The following NKX2-2 variants were observed in gnomAD, a reference collection of about 807,000 sequenced individuals.
NKX2-2 encodes NK2 homeobox 2, also known as homeobox protein Nkx-2.2.
Under a neutral mutation model 24.6 loss-of-function variants are expected in NKX2-2, and 8 were observed. The observed-to-expected ratio is 0.32, with a 90% CI of 0.19 to 0.59. The LOEUF (loss-of-function observed/expected upper bound fraction) is 0.59, where lower values mean the gene tolerates loss of function less well. Among genes scored for constraint, NKX2-2 ranks in the 20% least tolerant of loss-of-function variants. NKX2-2 has a pLI of 0.86. For missense variants in NKX2-2, 381 were observed against 373.9 expected (o/e 1.02, Z -0.16); for synonymous variants, 217 against 173.3 (o/e 1.25, Z -1.98).
the NKX2-2 span, among the ~76,000 whole-genome samples, chr20:21,522,178 G>T: frequency 2.0e-5 from 3 of 152,248 alleles, no homozygotes; most frequent in Admixed American, 6.5e-5. Flanking sequence ...GATCCGCAAA[G>T]TCGGGGAGAA....
rs1426023605 is a variant in NKX2-2 at position 21,512,457 on chromosome 20, A to G, written c.288T>C (p.Pro96=). 2 of 1,580,850 alleles carry G rather than the reference A, an allele frequency of 1.3e-6. No homozygotes were observed. Among genetic ancestry groups the G allele is most frequent in the African/African-American group, 2.7e-5 (2 of 74,522 alleles). ...SLHGLAAGAP[P]QDSSSKSPEP... is the part of the protein sequence containing the mutation. ...CCGGGGACTTGGAGCTTGAGTCCTG[A>G]GGGGGCGCCCCGGCAGCCAGACCGT... is the stretch of plus-strand genomic sequence containing the variant. Residue 96 remains proline (P), a synonymous_variant, in exon 2 of 2, where the codon CCT becomes CCC. Transcript: ENST00000377142.
At chr20:21,522,594 G>T in the NKX2-2 span, among the ~76,000 whole-genome samples, 1 of 151,988 alleles carries the variant, frequency 6.6e-6, no homozygotes, top group Admixed American at 6.6e-5. Flanking sequence ...CTGGAGCCTC[G>T]GCTGGGCGAG....
At chr20:21,514,370 G>T (rs1044629509), upstream of NKX2-2, among the ~76,000 whole-genome samples, 1 of 151,808 alleles carries the variant, frequency 6.6e-6, no homozygotes, top group African/African-American at 2.4e-5. Flanking sequence ...GAGGTGTAAC[G>T]TGTCAATTAA....
chr20:21,520,740 C>A, the NKX2-2 span, among the ~76,000 whole-genome samples: 2 of 152,152 alleles, frequency 1.3e-5, no homozygotes, highest in Non-Finnish European at 2.9e-5. Context: ...TCCCCCTGGG[C>A]GAACTCCTTG....
chr20:21,511,784 T>C lies in NKX2-2; in HGVS notation c.*139A>G. 3 of 649,422 alleles carry C rather than the reference T, an allele frequency of 4.6e-6. No homozygotes were observed. The highest frequency in any genetic ancestry group is 4.4e-4 in the Middle Eastern group (1 of 2,256). The allele number at this position is 649,422 out of a possible 1,614,324, so 40.2% of individuals were successfully genotyped here. Reference sequence around the variant, plus strand: ...AGGCAACCTCCCGGCGCCTCCCTAGTGGAGCCGAGAGTCAACTCGACTCCA... The same window carrying C: ...AGGCAACCTCCCGGCGCCTCCCTAGCGGAGCCGAGAGTCAACTCGACTCCA... On this transcript the variant is annotated 3_prime_UTR_variant, in exon 2 of 2. Coordinates refer to ENST00000377142, the MANE Select transcript of NKX2-2 (RefSeq NM_002509.4).
In NKX2-2 at chr20:21,511,798, A is replaced by C. The variant is rs1310575439; in HGVS notation, c.*125T>G. 17 of 735,598 alleles carry C rather than the reference A, an allele frequency of 2.3e-5. No homozygotes were observed. The highest frequency in any genetic ancestry group is 3.0e-5 in the Non-Finnish European group (15 of 497,040). 45.6% of individuals were successfully genotyped at this position (735,598 alleles called of 1,614,324 possible). On this transcript the variant is annotated 3_prime_UTR_variant, in exon 2 of 2. Coordinates refer to ENST00000377142, the MANE Select transcript of NKX2-2 (RefSeq NM_002509.4). ...CGCCTCCCTAGTGGAGCCGAGAGTC[A>C]ACTCGACTCCATAATAATAATTATA...
chr20:21,521,003 C>T, the NKX2-2 span, among the ~76,000 whole-genome samples: 5 of 152,052 alleles, frequency 3.3e-5, no homozygotes, highest in Non-Finnish European at 5.9e-5. Flanking sequence ...TAACGGGTTG[C>T]ATTCAGCACT....
chr20:21,521,968 C>G, the NKX2-2 span, among the ~76,000 whole-genome samples: 1 of 152,222 alleles, frequency 6.6e-6, no homozygotes, highest in Non-Finnish European at 1.5e-5. Context: ...GGGACCGCCG[C>G]GGGTGCCGCG....
the NKX2-2 span, among the ~76,000 whole-genome samples, chr20:21,519,980 G>A: frequency 6.6e-6 from 1 of 152,090 alleles, no homozygotes; most frequent in Non-Finnish European, 1.5e-5. Flanking sequence ...ATCTCAGCCT[G>A]CTTTGGGTTC....
upstream of NKX2-2, among the ~76,000 whole-genome samples, chr20:21,515,904 C>T (rs552934472): frequency 5.0e-4 from 76 of 152,308 alleles, no homozygotes; most frequent in African/African-American, 1.5e-3. Context: ...GCTGCCTCGC[C>T]CCCAGTATGT....
At chr20:21,520,794 T>G in the NKX2-2 span, among the ~76,000 whole-genome samples, 1 of 152,220 alleles carries the variant, frequency 6.6e-6, no homozygotes, top group Non-Finnish European at 1.5e-5. Context: ...TATGTTACAA[T>G]GAGATTACGC....
chr20:21,522,017 C>T, the NKX2-2 span, among the ~76,000 whole-genome samples: 1 of 152,238 alleles, frequency 6.6e-6, no homozygotes, highest in East Asian at 1.9e-4. Context: ...CCGCACCTTC[C>T]CAGCCCCTGG....
chr20:21,517,558 G>C (rs941634100), upstream of NKX2-2, among the ~76,000 whole-genome samples: 1 of 152,192 alleles, frequency 6.6e-6, no homozygotes, highest in African/African-American at 2.4e-5. Flanking sequence ...GGGAGAAACT[G>C]GGCTTGTTAG....
chr20:21,512,691 G>T (rs1375500613), intron 1 of NKX2-2, among the ~76,000 whole-genome samples: 3 of 152,186 alleles, frequency 2.0e-5, no homozygotes, highest in Non-Finnish European at 4.4e-5. Flanking sequence ...AAATCCGTAG[G>T]AGTGGGGGCT....
Position 21,513,517 on chromosome 20 carries a change from G to A in NKX2-2, c.153C>T (p.Gly51=). The change falls in exon 1 of 2, where the codon GGC becomes GGT. Residue 51 remains glycine, a synonymous_variant. Transcript: ENST00000377142. The surrounding 1 kb of genome is among the most constrained non-coding windows in gnomAD (Gnocchi z 4.6). ...GCAGGCTCTGCACCGCGTCCAGGGC[G>A]CCCTGCCCCAGCGGCCCGGCCCTCT... The part of the protein sequence containing the change: ...PAKRAGPLGQ[G]ALDAVQSLPL... 6.2e-7 allele frequency: 1 copy of A among 1,612,804 alleles called. No individual in the cohort carries two copies. Among genetic ancestry groups the A allele is most frequent in the East Asian group, 2.2e-5 (1 of 44,762 alleles).
upstream of NKX2-2, among the ~76,000 whole-genome samples, chr20:21,517,248 C>G (rs1020395487): frequency 3.3e-5 from 5 of 152,206 alleles, no homozygotes; most frequent in African/African-American, 1.2e-4. Flanking sequence ...CTTCCCCTGC[C>G]CTCGCAGGAC....
At chr20:21,520,084 G>C in the NKX2-2 span, among the ~76,000 whole-genome samples, 1 of 152,052 alleles carries the variant, frequency 6.6e-6, no homozygotes, top group Non-Finnish European at 1.5e-5. Context: ...ATGCCTCCCA[G>C]ATGGACAATC....
At chr20:21,516,991 C>T (rs1006826678), upstream of NKX2-2, among the ~76,000 whole-genome samples, 1 of 152,208 alleles carries the variant, frequency 6.6e-6, no homozygotes, top group African/African-American at 2.4e-5. Context: ...GTCCCCTCCC[C>T]TCACCCGTGG....
At chr20:21,522,580 G>A in the NKX2-2 span, among the ~76,000 whole-genome samples, 59 of 152,128 alleles carry the variant, frequency 3.9e-4, no homozygotes, top group African/African-American at 1.3e-3. Flanking sequence ...GCGCGACTGC[G>A]CCGCTGGAGC....
Sources: allele counts gnomAD v4.1 joint callset (sites outside exome capture counted in the v4.1 genomes callset), GRCh38; gene constraint gnomAD v4.1.1; non-coding constraint Gnocchi (gnomAD v3.1); transcripts MANE v1.5; gene names NCBI Gene and HGNC (gene_info 2026-07-23, HGNC 2026-07-21).